The following ZNF385D variants were observed in gnomAD, a reference collection of about 807,000 sequenced individuals.
ZNF385D encodes the protein zinc finger protein 385D, also known as zinc finger protein 659.
In ZNF385D, 15 loss-of-function variants were observed where a neutral mutation model predicts 35.8. The observed-to-expected ratio is 0.42, with a 90% CI of 0.28 to 0.64. The LOEUF (loss-of-function observed/expected upper bound fraction) is 0.64. ZNF385D is among the 30% of genes least tolerant of loss of function. The pLI is 0.23. For missense variants in ZNF385D, 474 were observed against 494.6 expected (o/e 0.96, Z 0.39); for synonymous variants, 212 against 186.8 (o/e 1.13, Z -1.10).
intron 3 of ZNF385D, among the ~76,000 whole-genome samples, chr3:21,935,082 G>T (rs1310094631): frequency 6.6e-6 from 1 of 152,078 alleles, no homozygotes; most frequent in African/African-American, 2.4e-5. Flanking sequence ...TAACTGATTT[G>T]CCTAATAAGT....
At chr3:21,666,884 C>A (rs1310676141) in intron 1 of ZNF385D, among the ~76,000 whole-genome samples, 6 of 152,058 alleles carry the variant, frequency 3.9e-5, no homozygotes, top group African/African-American at 1.4e-4. Flanking sequence ...TCAAGACCAG[C>A]CTGGCTAACA....
At position 21,417,380 on chromosome 3, in the gene ZNF385D, T is replaced by C. The variant is rs1700577478; in HGVS notation, c.*3834A>G. 1 of 152,092 alleles carries C rather than the reference T, an allele frequency of 6.6e-6. No individual in the cohort carries two copies. The highest frequency in any genetic ancestry group is 1.5e-5 in the Non-Finnish European group (1 of 67,998). The allele number at this position is 152,092 out of a possible 1,614,324, so 9.4% of individuals were successfully genotyped here. A position where few individuals can be genotyped will look rare whatever the true frequency, so the allele number is the denominator to read the frequency against. ...TAGACTCTGGCTACTCTAAGGCTCC[T>C]CATTGCTTTTCCCACCACTTCATGC... is the stretch of plus-strand genomic sequence containing the variant. On this transcript the variant is annotated 3_prime_UTR_variant, in exon 8 of 8. Transcript: ENST00000281523.
At chr3:21,909,415 G>A (rs570188563) in intron 3 of ZNF385D, among the ~76,000 whole-genome samples, 1 of 152,176 alleles carries the variant, frequency 6.6e-6, no homozygotes, top group South Asian at 2.1e-4. Flanking sequence ...GACCAAATAT[G>A]ACTGATAATA....
chr3:21,457,610 T>A (rs560392455), intron 4 of ZNF385D, among the ~76,000 whole-genome samples: 1 of 152,262 alleles, frequency 6.6e-6, no homozygotes, highest in South Asian at 2.1e-4. Context: ...TGCCTTGGTC[T>A]CCCAAAGTGC....
At chr3:21,452,771 G>A (rs970892575) in intron 4 of ZNF385D, among the ~76,000 whole-genome samples, 10 of 151,888 alleles carry the variant, frequency 6.6e-5, no homozygotes, top group Admixed American at 2.6e-4. Flanking sequence ...CTGTTAAGAT[G>A]GCAATACTAT....
At position 22,173,853 on chromosome 3, in the gene ZNF385D, T is replaced by A. The variant is rs377210625; in HGVS notation, c.107-4818A>T. Among the ~76,000 whole-genome samples the A allele has an allele frequency of 6.6e-5, 10 of 152,132 alleles. No individual in the cohort carries two copies. In the South Asian group the frequency reaches 2.1e-3, roughly 32 times the overall value. On this transcript the variant is annotated intron_variant, in intron 2 of 5. Coordinates refer to the ZNF385D transcript ENST00000494108. ...TAAATTCAATTCAGAAAAGAAACGG[T>A]TGAGGGTTGAAAAATCCAATATGGA...
intron 2 of ZNF385D, among the ~76,000 whole-genome samples, chr3:21,601,488 G>T (rs1227504624): frequency 6.6e-6 from 1 of 152,220 alleles, no homozygotes; most frequent in Non-Finnish European, 1.5e-5. Context: ...AATCCCTGGG[G>T]ATGAGGCACT....
At chr3:21,831,976 C>T (rs1055403433) in intron 3 of ZNF385D, among the ~76,000 whole-genome samples, 1 of 152,166 alleles carries the variant, frequency 6.6e-6, no homozygotes, top group African/African-American at 2.4e-5. Context: ...AAACATTTGA[C>T]ATTATAATGC....
intron 3 of ZNF385D, among the ~76,000 whole-genome samples, chr3:21,967,809 G>C (rs1169538441): frequency 2.0e-5 from 3 of 152,202 alleles, no homozygotes; most frequent in African/African-American, 2.4e-5. Flanking sequence ...GGAAGTTGGA[G>C]TAAGATGGCT....
chr3:21,726,660 G>A (rs1295740819), intron 1 of ZNF385D, among the ~76,000 whole-genome samples: 1 of 152,058 alleles, frequency 6.6e-6, no homozygotes, highest in African/African-American at 2.4e-5. Flanking sequence ...CACTGATCAA[G>A]GAAATAAGAG....
At chr3:21,959,764 C>T (rs1044838006) in intron 3 of ZNF385D, among the ~76,000 whole-genome samples, 2 of 152,086 alleles carry the variant, frequency 1.3e-5, no homozygotes, top group African/African-American at 4.8e-5. Flanking sequence ...TAACTGCTCC[C>T]CTCACTCCAA....
chr3:21,754,040 T>G (rs908830241), upstream of ZNF385D, among the ~76,000 whole-genome samples: 6 of 152,228 alleles, frequency 3.9e-5, no homozygotes, highest in African/African-American at 9.6e-5. Flanking sequence ...AAAGGTTGAA[T>G]AGTATTCCAT....
At chr3:21,752,007 A>ACCCC (rs71044940), upstream of ZNF385D, among the ~76,000 whole-genome samples, 41 of 88,588 alleles carry the variant, frequency 4.6e-4, no homozygotes, top group Non-Finnish European at 5.4e-4. Flanking sequence ...ACACACACCC[A>ACCCC]CCCCCCTCCC....
intron 2 of ZNF385D, among the ~76,000 whole-genome samples, chr3:22,275,205 T>A (rs574365854): frequency 6.6e-6 from 1 of 152,250 alleles, no homozygotes; most frequent in East Asian, 1.9e-4. Context: ...ACTGTGGTAT[T>A]AATCAGAGTG....
intron 1 of ZNF385D, among the ~76,000 whole-genome samples, chr3:21,679,350 C>G (rs947562639): frequency 2.0e-5 from 3 of 151,900 alleles, no homozygotes; most frequent in African/African-American, 7.2e-5. Flanking sequence ...AGCATTATTG[C>G]TTAAATCATT....
At chr3:21,841,161 GT>G (rs1695648454) in intron 3 of ZNF385D, among the ~76,000 whole-genome samples, 1 of 152,012 alleles carries the variant, frequency 6.6e-6, no homozygotes, top group Non-Finnish European at 1.5e-5. Context: ...TGCAGCTTGT[GT>G]TTTTTACTAA....
intron 2 of ZNF385D, among the ~76,000 whole-genome samples, chr3:21,656,343 A>C (rs1320590492): frequency 6.6e-6 from 1 of 151,974 alleles, no homozygotes; most frequent in Non-Finnish European, 1.5e-5. Flanking sequence ...GGAGGCTAGA[A>C]ATCCAAGATC....
At chr3:22,158,060 A>G (rs368587609) in intron 3 of ZNF385D, among the ~76,000 whole-genome samples, 3 of 152,124 alleles carry the variant, frequency 2.0e-5, no homozygotes, top group African/African-American at 7.2e-5. Context: ...AGCGCACATT[A>G]CAAAGCCAAC....
At chr3:22,235,582 G>C (rs1235840451) in intron 2 of ZNF385D, among the ~76,000 whole-genome samples, 1 of 152,022 alleles carries the variant, frequency 6.6e-6, no homozygotes, top group South Asian at 2.1e-4. Context: ...AAGAGGCCTT[G>C]TAAAATATGA....
Sources: gnomAD v4.1 joint callset for allele counts (sites outside exome capture counted in the v4.1 genomes callset) on GRCh38, gnomAD v4.1.1 for gene constraint, MANE v1.5 for transcripts, NCBI Gene and HGNC (gene_info 2026-07-23, HGNC 2026-07-21) for gene names.